TEX36: variants seen among roughly 807,000 people sequenced by gnomAD.
The protein encoded by TEX36 is testis-expressed protein 36.
TEX36 carries 12 observed loss-of-function variants against 13.6 expected under a neutral mutation model. The observed-to-expected ratio is 0.88, with a 90% CI of 0.56 to 1.43. The LOEUF (loss-of-function observed/expected upper bound fraction) is 1.43. TEX36 is among the 40% of genes most tolerant of loss of function. The pLI is 0.00. For missense variants in TEX36, 224 were observed against 228.3 expected (o/e 0.98, Z 0.12); for synonymous variants, 93 against 83.0 (o/e 1.12, Z -0.65).
intron 1 of TEX36, among the ~76,000 whole-genome samples, chr10:125,672,096 T>G (rs1241212247): frequency 2.4e-5 from 3 of 126,040 alleles, no homozygotes; most frequent in Non-Finnish European, 4.5e-5. Context: ...ATTCATTGAT[T>G]TTTTTTGAAA....
At chr10:125,647,581 A>G (rs1316521734) in intron 3 of TEX36, among the ~76,000 whole-genome samples, 2 of 152,264 alleles carry the variant, frequency 1.3e-5, no homozygotes, top group Non-Finnish European at 2.9e-5. Context: ...GAACAGCTCC[A>G]GTCTGCAGCT....
chr10:125,603,450 C>A (rs1476329900), intron 3 of TEX36, among the ~76,000 whole-genome samples: 1 of 152,050 alleles, frequency 6.6e-6, no homozygotes, highest in Non-Finnish European at 1.5e-5. Context: ...CCCCACTGGT[C>A]CTTGCCCCCG....
chr10:125,606,111 G>C (rs1425404956), intron 3 of TEX36, among the ~76,000 whole-genome samples: 1 of 152,124 alleles, frequency 6.6e-6, no homozygotes, highest in Non-Finnish European at 1.5e-5. Context: ...AGACTGTTGG[G>C]CCGTGTTCTA....
intron 1 of TEX36, among the ~76,000 whole-genome samples, chr10:125,664,495 A>G (rs1274499451): frequency 6.6e-6 from 1 of 152,154 alleles, no homozygotes; most frequent in Non-Finnish European, 1.5e-5. Context: ...AGAATCCCCA[A>G]ATGTCAGAAG....
At position 125,660,914 on chromosome 10, in the gene TEX36, C is replaced by T; in HGVS notation, c.264+107G>A. 3 of 953,652 alleles carry T rather than the reference C, an allele frequency of 3.1e-6. No homozygotes were observed. The Admixed American group carries it at 6.2e-5, about 20-fold the overall frequency. The allele number at this position is 953,652 out of a possible 1,614,324, so 59.1% of individuals were successfully genotyped here. Reference sequence around the variant, plus strand: ...TGTTTAAGACCTCGCTTTGTTTTGACCTTGTTCCAGTTTTGAGGCCAATCC... The same window carrying T: ...TGTTTAAGACCTCGCTTTGTTTTGATCTTGTTCCAGTTTTGAGGCCAATCC... On this transcript the variant is annotated intron_variant, in intron 3 of 3. Transcript: ENST00000368821.
At chr10:125,681,243 A>T (rs1360428725) in intron 1 of TEX36, among the ~76,000 whole-genome samples, 2 of 151,976 alleles carry the variant, frequency 1.3e-5, no homozygotes, top group African/African-American at 4.8e-5. Context: ...GCTGCTGATG[A>T]CTCCCTTGAG....
Position 125,579,151 on chromosome 10 carries a change from CT to C in TEX36, c.265-2278del, listed in dbSNP as rs1845857449. ...TGGCACACTCATTCTTGGAAAGAAG[CT>C]TGCCGTATTAGTCCGTTCTCATGCT... is the stretch of plus-strand genomic sequence containing the variant. On this transcript the variant is annotated intron_variant, in intron 3 of 3. Coordinates refer to the TEX36 transcript ENST00000532135. Among the ~76,000 whole-genome samples, 5 of 152,350 alleles carry C rather than the reference CT, an allele frequency of 3.3e-5. No homozygotes were observed. In the South Asian group the frequency reaches 8.3e-4, roughly 25 times the overall value.
intron 3 of TEX36, among the ~76,000 whole-genome samples, chr10:125,656,557 C>T (rs950961778): frequency 3.3e-5 from 5 of 151,814 alleles, no homozygotes; most frequent in African/African-American, 1.2e-4. Flanking sequence ...CGTGCCCAGC[C>T]TCAGTCACAT....
At chr10:125,613,390 A>T (rs1268607597) in intron 3 of TEX36, among the ~76,000 whole-genome samples, 17 of 146,340 alleles carry the variant, frequency 1.2e-4, no homozygotes, top group Admixed American at 1.2e-3. Flanking sequence ...CTAACTCGTC[A>T]TCTAGCATTA....
chr10:125,667,142 A>G, intron 1 of TEX36: 1 of 709,512 alleles, frequency 1.4e-6, no homozygotes, highest in Non-Finnish European at 2.6e-6. Flanking sequence ...CCAGACAGGA[A>G]TGTGATCCCA....
intron 1 of TEX36, among the ~76,000 whole-genome samples, chr10:125,677,310 C>G (rs1485789098): frequency 1.3e-5 from 2 of 152,076 alleles, no homozygotes; most frequent in Admixed American, 6.6e-5. Context: ...TTTTCTTTGT[C>G]TCTTTTCTCT....
At position 125,640,129 on chromosome 10, in the gene TEX36, T is replaced by C. The variant is rs369876541; in HGVS notation, c.265-18484A>G. 1.2e-5 allele frequency: 12 copies of C among 984,814 alleles called. No homozygotes were observed. In the East Asian group the frequency reaches 5.7e-4, roughly 47 times the overall value. The allele number at this position is 984,814 out of a possible 1,614,324, so 61.0% of individuals were successfully genotyped here. ...TTGTTTTTTCCGTTCAGAACTGGGA[T>C]TGTCCCCTGCAGATGTTACAGCCAG... On this transcript the variant is annotated intron_variant, in intron 3 of 3. Coordinates refer to the TEX36 transcript ENST00000526819.
downstream of TEX36, among the ~76,000 whole-genome samples, chr10:125,620,337 C>A (rs142419277): frequency 6.6e-6 from 1 of 152,304 alleles, no homozygotes; most frequent in Admixed American, 6.5e-5. Flanking sequence ...GCTTTAATGG[C>A]CTTTTCTTTG....
intron 3 of TEX36, among the ~76,000 whole-genome samples, chr10:125,580,501 G>A (rs1317275100): frequency 2.0e-5 from 3 of 152,190 alleles, no homozygotes; most frequent in Non-Finnish European, 4.4e-5. Flanking sequence ...GCCTGGAGGG[G>A]TAAAGGGGAG....
At chr10:125,602,081 A>G (rs1337233032) in intron 3 of TEX36, among the ~76,000 whole-genome samples, 1 of 152,132 alleles carries the variant, frequency 6.6e-6, no homozygotes, top group Admixed American at 6.5e-5. Flanking sequence ...CTCTGCCTCT[A>G]TCTGCTGAGC....
intron 3 of TEX36, among the ~76,000 whole-genome samples, chr10:125,630,586 T>G (rs2133567026): frequency 6.6e-6 from 1 of 152,270 alleles, no homozygotes; most frequent in Middle Eastern, 3.4e-3. Flanking sequence ...AAAGGGCCAG[T>G]TCTTATTTAG....
chr10:125,607,532 C>G (rs1400465756), intron 3 of TEX36, among the ~76,000 whole-genome samples: 1 of 152,070 alleles, frequency 6.6e-6, no homozygotes, highest in Non-Finnish European at 1.5e-5. Flanking sequence ...AGCAATGATC[C>G]CAAGAGAACA....
chr10:125,669,558 T>C (rs1409934109), intron 1 of TEX36, among the ~76,000 whole-genome samples: 3 of 152,154 alleles, frequency 2.0e-5, no homozygotes, highest in East Asian at 1.9e-4. Context: ...TTTCATTTGT[T>C]TTAAGAATTT....
chr10:125,642,591 G>A (rs763019206), intron 3 of TEX36, among the ~76,000 whole-genome samples: 40 of 152,178 alleles, frequency 2.6e-4, no homozygotes, highest in Non-Finnish European at 3.7e-4. Flanking sequence ...TTCCTAAAGT[G>A]TGGGAGGGAG....
Sources: gnomAD v4.1 joint callset for allele counts (sites outside exome capture counted in the v4.1 genomes callset) on GRCh38, gnomAD v4.1.1 for gene constraint, MANE v1.5 for transcripts, NCBI Gene and HGNC (gene_info 2026-07-23, HGNC 2026-07-21) for gene names.